NRXN2: variants seen among roughly 807,000 people sequenced by gnomAD.
NRXN2 encodes neurexin 2.
In NRXN2, 29 loss-of-function variants were observed where a neutral mutation model predicts 128.8. That is an observed-to-expected ratio of 0.23 (90% confidence interval 0.17 to 0.31). NRXN2 has a LOEUF of 0.31. NRXN2 is among the 10% of genes least tolerant of loss of function. The pLI, the probability that NRXN2 is intolerant of heterozygous loss-of-function variation, is 1.00. For synonymous variants in NRXN2, 1,098 were observed against 1,075.2 expected (o/e 1.02, Z -0.41); for missense variants, 1,881 against 2,452.6 (o/e 0.77, Z 4.92).
intron 2 of NRXN2, among the ~76,000 whole-genome samples, chr11:64,701,717 C>T (rs933732216): frequency 5.3e-5 from 8 of 152,126 alleles, no homozygotes; most frequent in Non-Finnish European, 8.8e-5. Context: ...CCAGCCTGGA[C>T]GACGGAGAAG....
chr11:64,718,234 C>A (rs1040360363), intron 1 of NRXN2, among the ~76,000 whole-genome samples: 2 of 152,144 alleles, frequency 1.3e-5, no homozygotes, highest in African/African-American at 4.8e-5. Flanking sequence ...AGCAGAGCCC[C>A]TGGCCAGGGG....
intron 17 of NRXN2, among the ~76,000 whole-genome samples, chr11:64,644,066 T>C (rs2046272641): frequency 6.6e-6 from 1 of 151,948 alleles, no homozygotes; most frequent in Non-Finnish European, 1.5e-5. Context: ...CATACATGCA[T>C]GCATGTGCTC....
rs11231852 is a variant in NRXN2, at chr11:64,677,765, T to C, written c.1153-728A>G. On this transcript the variant is annotated intron_variant, in intron 6 of 22. Transcript: ENST00000265459. Reference sequence around the variant, plus strand: ...GCTATTGGTTGGAGCCATGGACTTATGGGTTTGTTGGCTAACTGATCAACC... The same window carrying C: ...GCTATTGGTTGGAGCCATGGACTTACGGGTTTGTTGGCTAACTGATCAACC... 3.9e-3 allele frequency among the ~76,000 whole-genome samples: 588 copies of C among 152,328 alleles called. 33 individuals are homozygous for C. In the East Asian group the frequency reaches 0.09, roughly 23 times the overall value.
At chr11:64,644,474 G>A (rs1047533914) in intron 17 of NRXN2, among the ~76,000 whole-genome samples, 28 of 152,122 alleles carry the variant, frequency 1.8e-4, no homozygotes, top group African/African-American at 6.3e-4. Context: ...AACCCTTCCT[G>A]GGCCACGTAT....
intron 14 of NRXN2, among the ~76,000 whole-genome samples, chr11:64,650,840 G>A (rs2047360744): frequency 6.6e-6 from 1 of 152,080 alleles, no homozygotes. Flanking sequence ...TAAGGAAGGA[G>A]GGCCACCAAG....
At chr11:64,688,446 G>A (rs1183535617) in intron 5 of NRXN2, 9 of 985,364 alleles carry the variant, frequency 9.1e-6, no homozygotes, top group Admixed American at 6.1e-5. Flanking sequence ...AACCTGAGTA[G>A]GGGAGGTCGG....
intron 22 of NRXN2, among the ~76,000 whole-genome samples, chr11:64,617,332 C>A (rs146776555): frequency 6.6e-6 from 1 of 152,150 alleles, no homozygotes; most frequent in Non-Finnish European, 1.5e-5. Flanking sequence ...TCTTCCTGCA[C>A]GTCTCGGGTT....
intron 17 of NRXN2, among the ~76,000 whole-genome samples, chr11:64,643,886 G>A (rs1249009515): frequency 8.3e-6 from 1 of 120,046 alleles, no homozygotes; most frequent in Admixed American, 8.8e-5. Flanking sequence ...ACCCCACCCG[G>A]ATGAACCCCA....
chr11:64,650,356 G>A (rs1421087593), intron 15 of NRXN2, 92 bp downstream of exon 15: 12 of 1,344,392 alleles, frequency 8.9e-6, no homozygotes, highest in East Asian at 4.6e-5. Context: ...GCAGGGAACC[G>A]AGGGAAGCAG....
intron 12 of NRXN2, 35 bp from the exon 13 acceptor site, chr11:64,652,189 A>G: frequency 6.3e-7 from 1 of 1,593,656 alleles, no homozygotes. Context: ...GAGGGCACCT[A>G]TACATGCTCA....
At chr11:64,697,087 C>T (rs2054653718) in intron 3 of NRXN2, among the ~76,000 whole-genome samples, 1 of 152,078 alleles carries the variant, frequency 6.6e-6, no homozygotes, top group Non-Finnish European at 1.5e-5. Flanking sequence ...AAAGAAAGAA[C>T]ATACAGAGAG....
At position 64,623,754 on chromosome 11, in the gene NRXN2, G is replaced by A. The variant is rs2042698088; in HGVS notation, c.3848-676C>T. ...CCAGCACTGCCTGGGACCAGGCCCT[G>A]TTAAGCCGAGCCCTTCCTCCCCACC... On this transcript the variant is annotated intron_variant, in intron 20 of 22. Coordinates refer to ENST00000265459, the MANE Select transcript of NRXN2 (RefSeq NM_015080.4). This position sits in a 1 kb window ranked among gnomAD's most constrained non-coding sequence, Gnocchi z 4.9. 6.5e-6 allele frequency: 1 copy of A among 152,826 alleles called. No homozygotes were observed. Among genetic ancestry groups the A allele is most frequent in the Non-Finnish European group, 1.5e-5 (1 of 68,508 alleles). 9.5% of individuals were successfully genotyped at this position (152,826 alleles called of 1,614,324 possible). A position where few individuals can be genotyped will look rare whatever the true frequency, so the allele number is the denominator to read the frequency against.
At position 64,650,443 on chromosome 11, in the gene NRXN2, C is replaced by T; in HGVS notation, c.3109+5G>A. On this transcript the variant is annotated splice_donor_5th_base_variant and intron_variant, in intron 15 of 22. Transcript: ENST00000265459. ...CCAGGCCTTCTCCAGAGGCCCCAGC[C>T]CCACCTTTGAGATCGAGGTTTCGGG... The T allele has an allele frequency of 1.9e-6, 3 of 1,614,106 alleles. No homozygotes were observed. The highest frequency in any genetic ancestry group is 1.7e-6 in the Non-Finnish European group (2 of 1,180,002).
chr11:64,707,253 G>T, intron 2 of NRXN2, among the ~76,000 whole-genome samples: 1 of 152,016 alleles, frequency 6.6e-6, no homozygotes, highest in Non-Finnish European at 1.5e-5. Flanking sequence ...CAGGTGTGGT[G>T]GCGGGCGCCT....
rs1291615525 is a variant in NRXN2 at position 64,608,072 on chromosome 11, T to C, written c.4263A>G (p.Leu1421=). The C allele has an allele frequency of 1.3e-6, 2 of 1,585,398 alleles. No individual in the cohort carries two copies. The highest frequency in any genetic ancestry group is 1.1e-5 in the South Asian group (1 of 89,056). Residue 1421 remains leucine, a synonymous_variant, in exon 23 of 23, where the codon TTA becomes TTG. Coordinates refer to ENST00000265459, the MANE Select transcript of NRXN2 (RefSeq NM_015080.4). ...EECEPSTGGE[L]ILPIITEDSL... ...AGTCCTCCGTGATAATGGGCAATATTAACTCTCCTCCTAGAACAAGAGAGA... is the reference window on the plus strand; with the variant it reads ...AGTCCTCCGTGATAATGGGCAATATCAACTCTCCTCCTAGAACAAGAGAGA...
chr11:64,657,565 G>A (rs569530897), intron 11 of NRXN2, among the ~76,000 whole-genome samples: 101 of 152,242 alleles, frequency 6.6e-4, no homozygotes, highest in African/African-American at 2.3e-3. Flanking sequence ...CACAGACGTA[G>A]GCAGAGTGAA....
chr11:64,630,403 T>C lies in NRXN2; in HGVS notation c.3756A>G (p.Ala1252=). 1 of 1,536,302 alleles carries C rather than the reference T, an allele frequency of 6.5e-7. No individual in the cohort carries two copies. The highest frequency in any genetic ancestry group is 8.9e-7 in the Non-Finnish European group (1 of 1,129,918). The change falls in exon 19 of 23, where the codon GCA becomes GCG. Residue 1252 remains alanine, a splice_region_variant and synonymous_variant. Coordinates refer to ENST00000265459, the MANE Select transcript of NRXN2 (RefSeq NM_015080.4). This position sits in a 1 kb window ranked among gnomAD's most constrained non-coding sequence, Gnocchi z 4.6. The part of the protein sequence containing the change: ...DSWPVNERYP[A]GNFDNERLAI... Reference sequence around the variant, plus strand: ...CCTCCGCGGGCCCGCGCCGCCTACCTGCCGGGTACCGCTCGTTGACCGGCC... The same window carrying C: ...CCTCCGCGGGCCCGCGCCGCCTACCCGCCGGGTACCGCTCGTTGACCGGCC...
intron 15 of NRXN2, 27 bp downstream of exon 15, chr11:64,650,421 G>A: frequency 6.2e-7 from 1 of 1,613,032 alleles, no homozygotes. Flanking sequence ...GCTAGGGCCA[G>A]GCCTTCTCCA....
chr11:64,664,610 A>G (rs1342360139), intron 9 of NRXN2, among the ~76,000 whole-genome samples: 2 of 152,218 alleles, frequency 1.3e-5, no homozygotes, highest in Non-Finnish European at 2.9e-5. Flanking sequence ...CAATTGCAAA[A>G]ACAAAAATAG....
Sources: gnomAD v4.1 joint callset for allele counts (sites outside exome capture counted in the v4.1 genomes callset) on GRCh38, gnomAD v4.1.1 for gene constraint, Gnocchi (gnomAD v3.1) non-coding constraint, MANE v1.5 for transcripts, NCBI Gene and HGNC (gene_info 2026-07-23, HGNC 2026-07-21) for gene names.